Variants in RBFOX1 observed in about 807,000 individuals in gnomAD.
RBFOX1 encodes the protein RNA binding fox-1 homolog 1, also known as RNA binding protein fox-1 homolog 1.
Under a neutral mutation model 57.7 loss-of-function variants are expected in RBFOX1, and 8 were observed. The ratio of observed to expected loss-of-function variants is 0.14; its 90% CI spans 0.08 to 0.25. The LOEUF (loss-of-function observed/expected upper bound fraction) is 0.25. RBFOX1 is among the 10% of genes least tolerant of loss of function. The pLI, the probability that RBFOX1 is intolerant of heterozygous loss-of-function variation, is 1.00. For synonymous variants in RBFOX1, 326 were observed against 222.4 expected, an observed-to-expected ratio of 1.47 and a Z score of -4.15; for missense variants, 611 against 548.5, an observed-to-expected ratio of 1.11 and a Z score of -1.14.
chr16:6,488,614 A>G lies in RBFOX1; in HGVS notation c.-63-165989A>G, dbSNP rs76425542. Among the ~76,000 whole-genome samples the G allele has an allele frequency of 4.4e-4, 67 of 152,340 alleles. 1 individual carries two copies. In the East Asian group the frequency reaches 0.012, roughly 27 times the overall value. On this transcript the variant is annotated intron_variant, in intron 2 of 15. Transcript: ENST00000550418. ...ATTTTTCTGATTCCAATATGCTAAGATACCATTGAAGTTTATTAATCTGAG... is the reference window on the plus strand; with the variant it reads ...ATTTTTCTGATTCCAATATGCTAAGGTACCATTGAAGTTTATTAATCTGAG...
intron 2 of RBFOX1, among the ~76,000 whole-genome samples, chr16:6,435,120 A>G (rs2094198082): frequency 6.6e-6 from 1 of 152,228 alleles, no homozygotes; most frequent in East Asian, 1.9e-4. Context: ...TAGGACCTCA[A>G]AGGAATGGAA....
At chr16:7,549,805 T>G (rs1341111128) in intron 5 of RBFOX1, among the ~76,000 whole-genome samples, 1 of 152,120 alleles carries the variant, frequency 6.6e-6, no homozygotes, top group Non-Finnish European at 1.5e-5. Flanking sequence ...CCTTTCCCAG[T>G]CCACTGACTC....
chr16:6,578,663 G>T (rs1198669805), intron 2 of RBFOX1, among the ~76,000 whole-genome samples: 1 of 150,684 alleles, frequency 6.6e-6, no homozygotes, highest in Non-Finnish European at 1.5e-5. Context: ...TATAGAGAAG[G>T]AGAGAGAACC....
At chr16:6,987,637 A>T (rs2090593559) in intron 3 of RBFOX1, among the ~76,000 whole-genome samples, 1 of 152,184 alleles carries the variant, frequency 6.6e-6, no homozygotes, top group Admixed American at 6.6e-5. Context: ...GTTGAAATAT[A>T]GCTCATGACT....
intron 4 of RBFOX1, among the ~76,000 whole-genome samples, chr16:7,225,905 A>AATAAATAAATAAATATATATATATAT (rs66510060): frequency 2.2e-4 from 21 of 93,740 alleles, no homozygotes; most frequent in African/African-American, 8.1e-4. Flanking sequence ...AAGTATAATA[A>AATAAATAAATAAATATATATATATAT]ATATATATAT....
intron 4 of RBFOX1, among the ~76,000 whole-genome samples, chr16:7,312,783 A>G (rs2096346139): frequency 1.3e-5 from 2 of 152,180 alleles, no homozygotes; most frequent in South Asian, 2.1e-4. Flanking sequence ...TCCATTCAGA[A>G]CGTCATTATT....
chr16:5,344,072 A>G (rs1299645630), intron 1 of RBFOX1, among the ~76,000 whole-genome samples: 1 of 152,130 alleles, frequency 6.6e-6, no homozygotes, highest in Non-Finnish European at 1.5e-5. Context: ...TCAGAATCCT[A>G]TTCTCGTTTT....
chr16:5,914,260 CAA>C (rs2058662869), intron 4 of RBFOX1, among the ~76,000 whole-genome samples: 1 of 152,226 alleles, frequency 6.6e-6, no homozygotes, highest in Admixed American at 6.5e-5. Context: ...CAAATTATCA[CAA>C]AACTTGGCAA....
chr16:6,855,923 A>G (rs116855864), intron 3 of RBFOX1, among the ~76,000 whole-genome samples: 1,775 of 142,492 alleles, frequency 0.012, 20 homozygotes, highest in Non-Finnish European at 0.02. Flanking sequence ...TTCTTTCTTT[A>G]CTCATGCACA....
At chr16:7,194,929 C>CAAAAAA (rs59919051) in intron 4 of RBFOX1, among the ~76,000 whole-genome samples, 41 of 134,162 alleles carry the variant, frequency 3.1e-4, no homozygotes, top group Non-Finnish European at 5.6e-4. Context: ...CCCTGTTTCA[C>CAAAAAA]AAAAAAAAAA....
chr16:6,118,719 C>T (rs1419757994), intron 1 of RBFOX1, among the ~76,000 whole-genome samples: 1 of 138,280 alleles, frequency 7.2e-6, no homozygotes, highest in African/African-American at 3.3e-5. Flanking sequence ...TTGTTTCTCC[C>T]TCTTTCTCTC....
intron 3 of RBFOX1, chr16:6,703,751 C>G (rs1568284262): frequency 1.3e-5 from 2 of 152,172 alleles, no homozygotes; most frequent in East Asian, 1.9e-4. Flanking sequence ...TCTGAGAGTT[C>G]AAGGACAAGA....
intron 1 of RBFOX1, among the ~76,000 whole-genome samples, chr16:5,326,629 T>C (rs780092576): frequency 1.3e-5 from 2 of 152,340 alleles, no homozygotes; most frequent in African/African-American, 2.4e-5. Flanking sequence ...TTCAGAGGGC[T>C]GTGACTCATC....
At chr16:5,272,285 A>G (rs886990100) in intron 1 of RBFOX1, among the ~76,000 whole-genome samples, 4 of 152,274 alleles carry the variant, frequency 2.6e-5, no homozygotes, top group Non-Finnish European at 5.9e-5. Context: ...TGATCTAATC[A>G]TTCCACATTG....
At chr16:7,537,773 C>T (rs1426821658) in intron 5 of RBFOX1, among the ~76,000 whole-genome samples, 1 of 152,176 alleles carries the variant, frequency 6.6e-6, no homozygotes, top group Non-Finnish European at 1.5e-5. Context: ...GCAAACCCCG[C>T]CTCCACCCCA....
At chr16:6,517,417 G>T (rs183728114) in intron 2 of RBFOX1, among the ~76,000 whole-genome samples, 2 of 152,108 alleles carry the variant, frequency 1.3e-5, no homozygotes, top group Non-Finnish European at 2.9e-5. Flanking sequence ...ACTCCCTGAA[G>T]TCTCTCTTTC....
At chr16:6,143,959 C>CTATATATATATATATATATATATATA (rs71142686) in intron 1 of RBFOX1, among the ~76,000 whole-genome samples, 1 of 139,990 alleles carries the variant, frequency 7.1e-6, no homozygotes, top group African/African-American at 2.8e-5. Context: ...CCATACTCAG[C>CTATATATATATATATATATATATATA]TATATATATA....
At chr16:7,008,373 C>G (rs1373407770) in intron 3 of RBFOX1, among the ~76,000 whole-genome samples, 3 of 151,940 alleles carry the variant, frequency 2.0e-5, no homozygotes, top group African/African-American at 7.3e-5. Context: ...GAAACCCTGT[C>G]TCTACTAAAA....
chr16:5,965,929 A>G (rs1165755091), intron 4 of RBFOX1, among the ~76,000 whole-genome samples: 4 of 152,118 alleles, frequency 2.6e-5, no homozygotes, highest in East Asian at 3.9e-4. Context: ...TACCCTCCCC[A>G]GAAGATCTGG....
Sources: gnomAD v4.1 joint callset for allele counts (sites outside exome capture counted in the v4.1 genomes callset) on GRCh38, gnomAD v4.1.1 for gene constraint, MANE v1.5 for transcripts, NCBI Gene and HGNC (gene_info 2026-07-23, HGNC 2026-07-21) for gene names.